Variants in CORO1C observed in about 807,000 individuals in gnomAD.
The protein encoded by CORO1C is coronin 1C.
In CORO1C, 14 loss-of-function variants were observed where a neutral mutation model predicts 51.2. The ratio of observed to expected loss-of-function variants is 0.27; its 90% CI spans 0.18 to 0.43. The LOEUF (loss-of-function observed/expected upper bound fraction) is 0.43. Ranked by LOEUF, CORO1C falls within the 20% of genes least tolerant of loss-of-function variation. CORO1C has a pLI of 1.00. For missense variants in CORO1C, 417 were observed against 607.8 expected, an observed-to-expected ratio of 0.69 and a Z score of 3.30; for synonymous variants, 181 against 210.5, an observed-to-expected ratio of 0.86 and a Z score of 1.21.
At chr12:108,688,215 A>G (rs2034369181) in intron 2 of CORO1C, among the ~76,000 whole-genome samples, 1 of 152,054 alleles carries the variant, frequency 6.6e-6, no homozygotes, top group African/African-American at 2.4e-5. Context: ...CCAGCCCAGT[A>G]TATCTTATTT....
chr12:108,714,385 G>T (rs188329836), intron 1 of CORO1C, among the ~76,000 whole-genome samples: 2 of 119,492 alleles, frequency 1.7e-5, no homozygotes, highest in Non-Finnish European at 3.3e-5. Flanking sequence ...GCAACAGAGC[G>T]AGAGTCAGTC....
chr12:108,659,422 A>G (rs971711302), intron 4 of CORO1C, among the ~76,000 whole-genome samples: 16 of 152,170 alleles, frequency 1.1e-4, no homozygotes, highest in African/African-American at 3.4e-4. Context: ...CATGTATACT[A>G]TAGAGAACAT....
At chr12:108,669,690 A>AAAAGGG (rs1592874103) in intron 3 of CORO1C, among the ~76,000 whole-genome samples, 2 of 6,704 alleles carry the variant, frequency 3.0e-4, no homozygotes, top group Admixed American at 2.2e-3. Flanking sequence ...AAAAAAAAAA[A>AAAAGGG]GGCGGGGGGT....
At chr12:108,693,298 C>T (rs2034561665) in intron 2 of CORO1C, among the ~76,000 whole-genome samples, 1 of 152,126 alleles carries the variant, frequency 6.6e-6, no homozygotes, top group African/African-American at 2.4e-5. Flanking sequence ...ATGATCCCAC[C>T]CTACCAAGTG....
intron 8 of CORO1C, 107 bp downstream of exon 8, chr12:108,652,165 C>A: frequency 1.0e-6 from 1 of 963,162 alleles, no homozygotes; most frequent in Non-Finnish European, 1.5e-6. Flanking sequence ...CTTTCTTGCT[C>A]AGAATGGTCA....
intron 1 of CORO1C, among the ~76,000 whole-genome samples, chr12:108,706,055 TG>T (rs2136870379): frequency 6.6e-6 from 1 of 151,764 alleles, no homozygotes; most frequent in East Asian, 1.9e-4. Flanking sequence ...GGCATGGTGG[TG>T]GGCACCTGTA....
At chr12:108,686,725 C>T (rs1204163516) in intron 2 of CORO1C, among the ~76,000 whole-genome samples, 3 of 152,182 alleles carry the variant, frequency 2.0e-5, no homozygotes, top group Non-Finnish European at 4.4e-5. Flanking sequence ...CAAAAATGGC[C>T]AGCACCAAGT....
rs375105000 is a variant in CORO1C at position 108,727,273 on chromosome 12, G to A, written c.-6+4156C>T. 7.4e-4 allele frequency among the ~76,000 whole-genome samples: 113 copies of A among 152,284 alleles called. 2 individuals carry two copies. The South Asian group carries it at 0.021, about 29-fold the overall frequency. On this transcript the variant is annotated intron_variant, in intron 1 of 10. Transcript: ENST00000261401. ...ATGAATGTACAATACATGAGGGCAG[G>A]GACAAATGTCTGCCTGTGAGATGAG...
At chr12:108,713,988 T>C (rs1209230487) in intron 1 of CORO1C, among the ~76,000 whole-genome samples, 3 of 152,172 alleles carry the variant, frequency 2.0e-5, no homozygotes, top group Non-Finnish European at 2.9e-5. Flanking sequence ...GGCATTCAAA[T>C]GTACTGAGAC....
intron 2 of CORO1C, among the ~76,000 whole-genome samples, chr12:108,700,129 T>G (rs2034819671): frequency 6.6e-6 from 1 of 152,042 alleles, no homozygotes; most frequent in Non-Finnish European, 1.5e-5. Context: ...AGATGTACCC[T>G]GAATATAAGG....
At chr12:108,689,071 G>T (rs1442166048) in intron 2 of CORO1C, among the ~76,000 whole-genome samples, 1 of 151,286 alleles carries the variant, frequency 6.6e-6, no homozygotes, top group Non-Finnish European at 1.5e-5. Context: ...ATGGTGTTGG[G>T]CACCTGTAAT....
rs755502319 is a variant in CORO1C, at chr12:108,658,721, A to T, written c.630+17T>A. 4 of 1,600,290 alleles carry T rather than the reference A, an allele frequency of 2.5e-6. No individual in the cohort carries two copies. The South Asian group carries it at 3.3e-5, about 13-fold the overall frequency. On this transcript the variant is annotated intron_variant, in intron 5 of 10. Transcript: ENST00000261401. This position sits in a 1 kb window ranked among gnomAD's most constrained non-coding sequence, Gnocchi z 4.9. ...CAAGTGCTCCAACTACTGAGTTTTC[A>T]TCCTAGGAATACTCACAGCAACAAT...
At chr12:108,671,874 C>T (rs949613488) in intron 3 of CORO1C, among the ~76,000 whole-genome samples, 30 of 152,178 alleles carry the variant, frequency 2.0e-4, no homozygotes, top group African/African-American at 6.0e-4. Flanking sequence ...GAGGTCCTCC[C>T]ACCTCAGGCT....
intron 3 of CORO1C, among the ~76,000 whole-genome samples, chr12:108,673,655 C>T (rs1192574754): frequency 6.6e-6 from 1 of 152,122 alleles, no homozygotes; most frequent in African/African-American, 2.4e-5. Context: ...AGATGAGCTG[C>T]CTGTCTTGTT....
chr12:108,668,690 A>G (rs577724707), intron 3 of CORO1C, among the ~76,000 whole-genome samples: 31 of 152,336 alleles, frequency 2.0e-4, no homozygotes, highest in African/African-American at 6.5e-4. Context: ...TCATTTTGCA[A>G]TATCTTTCCA....
At chr12:108,681,175 G>GATA (rs1356356933) in intron 2 of CORO1C, among the ~76,000 whole-genome samples, 1 of 152,144 alleles carries the variant, frequency 6.6e-6, no homozygotes, top group Non-Finnish European at 1.5e-5. Flanking sequence ...TTGAATGTGT[G>GATA]ATATTTCATA....
At chr12:108,726,966 G>A (rs903717666) in intron 1 of CORO1C, among the ~76,000 whole-genome samples, 8 of 152,148 alleles carry the variant, frequency 5.3e-5, no homozygotes, top group African/African-American at 1.7e-4. Flanking sequence ...ATGCCAGAAG[G>A]GCAAAAGGGA....
At chr12:108,687,859 T>C (rs745571301) in intron 2 of CORO1C, among the ~76,000 whole-genome samples, 2 of 151,854 alleles carry the variant, frequency 1.3e-5, no homozygotes, top group Non-Finnish European at 2.9e-5. Flanking sequence ...GTAAGGGCAC[T>C]TCCTATCAAT....
chr12:108,671,697 T>C (rs1164873517), intron 3 of CORO1C, among the ~76,000 whole-genome samples: 1 of 152,138 alleles, frequency 6.6e-6, no homozygotes, highest in East Asian at 1.9e-4. Context: ...GCAACACCTA[T>C]GCCAAAAGAA....
Sources: gnomAD v4.1 joint callset for allele counts (sites outside exome capture counted in the v4.1 genomes callset) on GRCh38, gnomAD v4.1.1 for gene constraint, Gnocchi (gnomAD v3.1) non-coding constraint, MANE v1.5 for transcripts, NCBI Gene and HGNC (gene_info 2026-07-23, HGNC 2026-07-21) for gene names.